Variants in ZNF420 observed in about 807,000 individuals in gnomAD.
ZNF420 encodes the protein ATM and p53-associated KZNF protein.
A neutral mutation model predicts 44.7 loss-of-function variants in ZNF420; 31 were observed. The observed-to-expected ratio is 0.69, with a 90% confidence interval of 0.52 to 0.94. ZNF420 has a LOEUF of 0.94. Among genes scored for constraint, ZNF420 ranks in the 40% least tolerant of loss-of-function variants. The pLI is 0.00. For missense variants in ZNF420, 681 were observed against 827.9 expected (o/e 0.82, Z 2.18); for synonymous variants, 245 against 267.4 (o/e 0.92, Z 0.82).
At chr19:37,093,005 C>T (rs1969240183) in intron 4 of ZNF420, 1 of 151,986 alleles carries the variant, frequency 6.6e-6, no homozygotes, top group Non-Finnish European at 1.5e-5. Flanking sequence ...AAAGAAATAC[C>T]CGAGGCTGGG....
intron 4 of ZNF420, among the ~76,000 whole-genome samples, chr19:37,095,281 C>G (rs1969378849): frequency 6.6e-6 from 1 of 152,120 alleles, no homozygotes; most frequent in Non-Finnish European, 1.5e-5. Flanking sequence ...TGTCACTTGA[C>G]AAATACATGC....
At chr19:37,077,850 T>A (rs938502694), upstream of ZNF420, among the ~76,000 whole-genome samples, 1 of 151,984 alleles carries the variant, frequency 6.6e-6, no homozygotes, top group Non-Finnish European at 1.5e-5. Flanking sequence ...TGTTAGACGA[T>A]TCTACACAGT....
intron 4 of ZNF420, among the ~76,000 whole-genome samples, chr19:37,120,032 C>T (rs1460397774): frequency 6.6e-6 from 1 of 152,174 alleles, no homozygotes; most frequent in Non-Finnish European, 1.5e-5. Context: ...CAGCCAAATT[C>T]TACCAGAGGT....
chr19:37,066,192 C>T (rs1967963933), intron 1 of ZNF420, among the ~76,000 whole-genome samples: 1 of 152,208 alleles, frequency 6.6e-6, no homozygotes, highest in East Asian at 1.9e-4. Context: ...CCTGTAATCC[C>T]AGCACTTTGG....
chr19:37,056,902 G>C (rs990173065), intron 1 of ZNF420, among the ~76,000 whole-genome samples: 4 of 152,248 alleles, frequency 2.6e-5, no homozygotes, highest in Non-Finnish European at 4.4e-5. Context: ...CCACCGCCAG[G>C]GTTGCAGCCA....
chr19:37,127,539 G>A lies in ZNF420; in HGVS notation c.548G>A (p.Ser183Asn). Residue 183 changes from serine to asparagine, a missense_variant, in exon 5 of 5, where the codon AGT (serine) becomes AAT (asparagine). By Grantham distance (46) the Ser-to-Asn change is conservative. Coordinates refer to ENST00000337995, the MANE Select transcript of ZNF420 (RefSeq NM_144689.5). ...GKAFSRDSQL[S>N]LHQRLHTGEK... The stretch of plus-strand genomic sequence containing the variant: ...GCCTTTAGTCGTGATTCACAACTCA[G>A]TCTTCATCAGAGACTTCATACTGGT... 1 of 1,613,698 alleles carries A rather than the reference G, an allele frequency of 6.2e-7. No homozygotes were observed. Among genetic ancestry groups the A allele is most frequent in the Non-Finnish European group, 8.5e-7 (1 of 1,179,802 alleles).
chr19:37,120,376 A>G (rs1970958161), intron 4 of ZNF420, among the ~76,000 whole-genome samples: 2 of 152,034 alleles, frequency 1.3e-5, no homozygotes, highest in South Asian at 4.1e-4. Context: ...CAAAAACCAC[A>G]TGATTATCTC....
At chr19:37,032,111 A>G (rs1761541337) in intron 1 of ZNF420, among the ~76,000 whole-genome samples, 1 of 151,970 alleles carries the variant, frequency 6.6e-6, no homozygotes, top group African/African-American at 2.4e-5. Context: ...TTGGGAGGCC[A>G]AGGCAGGCAG....
At chr19:37,028,515 C>T (rs1300657970) in intron 1 of ZNF420, among the ~76,000 whole-genome samples, 1 of 152,180 alleles carries the variant, frequency 6.6e-6, no homozygotes, top group Admixed American at 6.5e-5. Flanking sequence ...TGAGAGTCTA[C>T]ACTGAATGGA....
intron 1 of ZNF420, among the ~76,000 whole-genome samples, chr19:37,009,946 C>A (rs703529): frequency 0.024 from 3,668 of 152,234 alleles, 161 homozygotes; most frequent in African/African-American, 0.083. Context: ...CCCTCGCCGC[C>A]CCCTACTTGA....
At chr19:37,101,731 A>G (rs1969787552) in intron 4 of ZNF420, among the ~76,000 whole-genome samples, 1 of 152,244 alleles carries the variant, frequency 6.6e-6, no homozygotes, top group South Asian at 2.1e-4. Flanking sequence ...AGAAAACCCA[A>G]GAAGGATACT....
intron 2 of ZNF420, among the ~76,000 whole-genome samples, chr19:37,086,723 A>T (rs903910448): frequency 6.6e-6 from 1 of 152,096 alleles, no homozygotes; most frequent in Non-Finnish European, 1.5e-5. Context: ...CCTTATTGCT[A>T]GTATTTCTCT....
chr19:37,093,688 T>C (rs1291536323), intron 4 of ZNF420, among the ~76,000 whole-genome samples: 1 of 152,198 alleles, frequency 6.6e-6, no homozygotes, highest in East Asian at 1.9e-4. Context: ...CTATATCCCA[T>C]GCCAAGTGAA....
intron 1 of ZNF420, among the ~76,000 whole-genome samples, chr19:37,011,074 C>G (rs73623564): frequency 0.013 from 1,993 of 152,308 alleles, 45 homozygotes; most frequent in African/African-American, 0.045. Flanking sequence ...TGTATCCTGC[C>G]TGGGCTCTCG....
chr19:37,014,352 C>T (rs1387165127), intron 1 of ZNF420, among the ~76,000 whole-genome samples: 1 of 152,160 alleles, frequency 6.6e-6, no homozygotes, highest in Non-Finnish European at 1.5e-5. Context: ...TACTGTGCCC[C>T]AGCGACCCCC....
intron 1 of ZNF420, among the ~76,000 whole-genome samples, chr19:37,034,933 A>T (rs181746216): frequency 1.8e-4 from 27 of 152,338 alleles, no homozygotes; most frequent in Non-Finnish European, 2.8e-4. Context: ...TACAGAGGCA[A>T]AAGGGACAGT....
At chr19:37,016,054 A>G (rs1318946204) in intron 1 of ZNF420, among the ~76,000 whole-genome samples, 1 of 152,100 alleles carries the variant, frequency 6.6e-6, no homozygotes, top group Non-Finnish European at 1.5e-5. Flanking sequence ...ACATTTCCTA[A>G]TGACTGGGTA....
intron 1 of ZNF420, among the ~76,000 whole-genome samples, chr19:37,013,172 T>A (rs1296651628): frequency 6.6e-6 from 1 of 152,040 alleles, no homozygotes; most frequent in African/African-American, 2.4e-5. Flanking sequence ...CGCAGCCTGA[T>A]GTTTAGGAGC....
intron 1 of ZNF420, among the ~76,000 whole-genome samples, chr19:37,054,621 A>C (rs547995699): frequency 6.6e-6 from 1 of 152,234 alleles, no homozygotes; most frequent in South Asian, 2.1e-4. Flanking sequence ...AGTCCTTTTT[A>C]CCACACTGTT....
Sources: allele counts gnomAD v4.1 joint callset (sites outside exome capture counted in the v4.1 genomes callset), GRCh38; gene constraint gnomAD v4.1.1; transcripts MANE v1.5; gene names NCBI Gene and HGNC (gene_info 2026-07-23, HGNC 2026-07-21).